Variants in LMX1B observed in about 807,000 individuals in gnomAD.
LMX1B encodes LIM homeobox transcription factor 1-beta.
Under a neutral mutation model 51.4 loss-of-function variants are expected in LMX1B, and 12 were observed. That is an observed-to-expected ratio of 0.23 (90% confidence interval 0.15 to 0.38). LMX1B has a LOEUF of 0.38. LMX1B is among the 10% of genes least tolerant of loss of function. The probability of loss-of-function intolerance (pLI) is 1.00; values close to 1 mark genes in which losing one functional copy is unlikely to be tolerated. For synonymous variants in LMX1B, 237 were observed against 235.4 expected, an observed-to-expected ratio of 1.01 and a Z score of -0.06; for missense variants, 445 against 571.1, an observed-to-expected ratio of 0.78 and a Z score of 2.25.
intron 2 of LMX1B, among the ~76,000 whole-genome samples, chr9:126,687,584 T>G (rs1240076850): frequency 6.6e-6 from 1 of 152,156 alleles, no homozygotes; most frequent in Non-Finnish European, 1.5e-5. Context: ...TCAAATGCCT[T>G]GCCTAAAGCT....
intron 2 of LMX1B, among the ~76,000 whole-genome samples, chr9:126,649,617 C>A (rs1835963656): frequency 6.6e-6 from 1 of 152,138 alleles, no homozygotes; most frequent in South Asian, 2.1e-4. Flanking sequence ...ATCTTGAGAA[C>A]CTCTGTTGTT....
rs2235055 is a variant in LMX1B, at chr9:126,614,797, C to T, written c.139+209C>T. ...TGAGGGGACAGGACAGCTCCAGTCG[C>T]CACCCACCATCCTTTCCAGGCTTAG... is the stretch of plus-strand genomic sequence containing the variant. On this transcript the variant is annotated intron_variant, in intron 1 of 7. Transcript: ENST00000373474. Among the ~76,000 whole-genome samples the T allele has an allele frequency of 0.044, 6,635 of 152,226 alleles. 214 individuals carry two copies. Among genetic ancestry groups the T allele is most frequent in the Middle Eastern group, 0.11 (31 of 294 alleles).
At position 126,614,066 on chromosome 9, in the gene LMX1B, G is replaced by A. The variant is rs1835243959; in HGVS notation, c.-384G>A. Among the ~76,000 whole-genome samples, 2 of 119,976 alleles carry A rather than the reference G, an allele frequency of 1.7e-5. No homozygotes were observed. Among genetic ancestry groups the A allele is most frequent in the African/African-American group, 2.8e-5 (1 of 35,196 alleles). The allele number at this position is 119,976 out of a possible 152,430, so 78.7% of individuals were successfully genotyped here. A position where few individuals can be genotyped will look rare whatever the true frequency, so the allele number is the denominator to read the frequency against. On this transcript the variant is annotated 5_prime_UTR_variant, in exon 1 of 8. Coordinates refer to ENST00000373474, the MANE Select transcript of LMX1B (RefSeq NM_001174147.2). Reference sequence around the variant, plus strand: ...CGCGCGCCCCCCCCGCGGCCCGCGGGGCCGCCCCTGCACCCCCACCCCCTC... The same window carrying A: ...CGCGCGCCCCCCCCGCGGCCCGCGGAGCCGCCCCTGCACCCCCACCCCCTC...
At chr9:126,643,129 C>G (rs1018210868) in intron 2 of LMX1B, among the ~76,000 whole-genome samples, 1 of 152,170 alleles carries the variant, frequency 6.6e-6, no homozygotes, top group African/African-American at 2.4e-5. Context: ...TATCCCGGGT[C>G]AGGCTGACTT....
At chr9:126,669,534 G>T (rs901126485) in intron 2 of LMX1B, among the ~76,000 whole-genome samples, 54 of 152,284 alleles carry the variant, frequency 3.5e-4, no homozygotes, top group African/African-American at 1.3e-3. Context: ...TGTGGGCCTG[G>T]GGGGTCTTCG....
rs1254939086 is a variant in LMX1B at position 126,625,564 on chromosome 9, G to C, written c.326+9995G>C. Among the ~76,000 whole-genome samples, 3 of 152,228 alleles carry C rather than the reference G, an allele frequency of 2.0e-5. No individual in the cohort carries two copies. The highest frequency in any genetic ancestry group is 4.4e-5 in the Non-Finnish European group (3 of 68,034). On this transcript the variant is annotated intron_variant, in intron 2 of 7. Transcript: ENST00000373474. The surrounding 1 kb of genome is among the most constrained non-coding windows in gnomAD (Gnocchi z 5.3). The stretch of plus-strand genomic sequence containing the variant: ...TTGGATCCCTGGGACTAATGTCGCA[G>C]CGCTCGCACTCCTGCAGGTCTCCAG...
intron 2 of LMX1B, among the ~76,000 whole-genome samples, chr9:126,638,914 A>G (rs1835762621): frequency 6.6e-6 from 1 of 152,256 alleles, no homozygotes; most frequent in Middle Eastern, 3.4e-3. Flanking sequence ...CTTCCACTGC[A>G]TGCATTATAC....
At chr9:126,682,825 G>A (rs961337618) in intron 2 of LMX1B, among the ~76,000 whole-genome samples, 2 of 149,836 alleles carry the variant, frequency 1.3e-5, no homozygotes, top group Non-Finnish European at 3.0e-5. Flanking sequence ...AACCCAGGAG[G>A]CGGAGGTTGC....
chr9:126,635,776 G>T (rs769135086), intron 2 of LMX1B, among the ~76,000 whole-genome samples: 1 of 152,208 alleles, frequency 6.6e-6, no homozygotes, highest in Non-Finnish European at 1.5e-5. Context: ...GAGTTGTTTG[G>T]ATTAGGGCCT....
In LMX1B at chr9:126,696,313, T is replaced by A. The variant is rs1335550993; in HGVS notation, c.1071T>A (p.His357Gln). Residue 357 changes from histidine (H) to glutamine (Q), a missense_variant, in exon 8 of 8, where the codon CAT becomes CAA. Coordinates refer to ENST00000373474, the MANE Select transcript of LMX1B (RefSeq NM_001174147.2). ...CCCCAGGGAACGACTCCATCTTCCATGACATCGACAGCGATACCTCCTTAA... is the reference window on the plus strand; with the variant it reads ...CCCCAGGGAACGACTCCATCTTCCAAGACATCGACAGCGATACCTCCTTAA... ...MNPYGNDSIF[H>Q]DIDSDTSLTS... The A allele has an allele frequency of 6.2e-7, 1 of 1,614,026 alleles. No homozygotes were observed. Among genetic ancestry groups the A allele is most frequent in the East Asian group, 2.2e-5 (1 of 44,854 alleles).
At chr9:126,650,221 C>T (rs970010295) in intron 2 of LMX1B, among the ~76,000 whole-genome samples, 1 of 152,170 alleles carries the variant, frequency 6.6e-6, no homozygotes, top group African/African-American at 2.4e-5. Flanking sequence ...CCTGCCCTGC[C>T]CCGAAGTCGG....
chr9:126,694,635 AG>A (rs2030261556), intron 6 of LMX1B, among the ~76,000 whole-genome samples: 1 of 152,168 alleles, frequency 6.6e-6, no homozygotes, highest in African/African-American at 2.4e-5. Context: ...GGTGAGAGGG[AG>A]GCTTCTGGGC....
intron 2 of LMX1B, among the ~76,000 whole-genome samples, chr9:126,627,573 G>T (rs1014716189): frequency 1.2e-4 from 18 of 152,054 alleles, no homozygotes; most frequent in African/African-American, 3.4e-4. Context: ...CTCTGAGCCT[G>T]CTCCCCTTCT....
At position 126,693,789 on chromosome 9, in the gene LMX1B, A is replaced by G; in HGVS notation, c.863A>G (p.Gln288Arg). Residue 288 changes from glutamine (Q) to arginine (R), a missense_variant, in exon 6 of 8, where the codon CAG becomes CGG. Gln to Arg is a conservative substitution (Grantham distance 43). Around this residue, in one of 3 missense-constraint regions of LMX1B, gnomAD observed 162 missense variants for 187.8 expected, o/e 0.86. Transcript: ENST00000373474. ...CGGCACCAGCAGCAGCAGGAGCAGCAGAACTCCCAGCGGCTGGGCCAGGGT... is the reference window on the plus strand; with the variant it reads ...CGGCACCAGCAGCAGCAGGAGCAGCGGAACTCCCAGCGGCTGGGCCAGGGT... Reference protein sequence around the residue: ...ARRHQQQQEQQNSQRLGQEVL... With the variant: ...ARRHQQQQEQRNSQRLGQEVL... 7.0e-7 allele frequency: 1 copy of G among 1,431,730 alleles called. No homozygotes were observed. Among genetic ancestry groups the G allele is most frequent in the Non-Finnish European group, 9.6e-7 (1 of 1,046,172 alleles). 88.7% of individuals were successfully genotyped at this position (1,431,730 alleles called of 1,614,324 possible).
Position 126,695,583 on chromosome 9 carries a change from C to A in LMX1B, c.887-256C>A, listed in dbSNP as rs2030295542. 6.6e-6 allele frequency among the ~76,000 whole-genome samples: 1 copy of A among 152,186 alleles called. No individual in the cohort carries two copies. Among genetic ancestry groups the A allele is most frequent in the African/African-American group, 2.4e-5 (1 of 41,434 alleles). On this transcript the variant is annotated intron_variant, in intron 6 of 7. Transcript: ENST00000373474. The surrounding 1 kb of genome is among the most constrained non-coding windows in gnomAD (Gnocchi z 5.2). ...ATTGCCTGTGTGGGGTCTGCCGCCTCCCTGGATCCCCTGGAGGGGCGGGGT... is the reference window on the plus strand; with the variant it reads ...ATTGCCTGTGTGGGGTCTGCCGCCTACCTGGATCCCCTGGAGGGGCGGGGT...
rs1336496925 is a variant in LMX1B, at chr9:126,658,151, G to A, written c.327-32685G>A. ...GGGCAGAGAGGGAATCCCCAGCCAA[G>A]TGCAGAGGTCAGGGGTCTGTGTCTG... On this transcript the variant is annotated intron_variant, in intron 2 of 7. Coordinates refer to ENST00000373474, the MANE Select transcript of LMX1B (RefSeq NM_001174147.2). The surrounding 1 kb of genome is among the most constrained non-coding windows in gnomAD (Gnocchi z 4.0). Among the ~76,000 whole-genome samples, 1 of 152,058 alleles carries A rather than the reference G, an allele frequency of 6.6e-6. No individual in the cohort carries two copies.
Position 126,626,544 on chromosome 9 carries a change from C to T in LMX1B, c.326+10975C>T, listed in dbSNP as rs943154366. On this transcript the variant is annotated intron_variant, in intron 2 of 7. Transcript: ENST00000373474. The surrounding 1 kb of genome is among the most constrained non-coding windows in gnomAD (Gnocchi z 4.3). Reference sequence around the variant, plus strand: ...CCTGAGCTCACCTCCCGCCCGTCCTCTCCTGGAGCCCCCTCTGCAATCCCG... The same window carrying T: ...CCTGAGCTCACCTCCCGCCCGTCCTTTCCTGGAGCCCCCTCTGCAATCCCG... Among the ~76,000 whole-genome samples the T allele has an allele frequency of 5.9e-5, 9 of 152,214 alleles. No individual in the cohort carries two copies. The highest frequency in any genetic ancestry group is 1.9e-4 in the African/African-American group (8 of 41,454).
intron 2 of LMX1B, among the ~76,000 whole-genome samples, chr9:126,656,752 G>C (rs1388216126): frequency 6.6e-6 from 1 of 152,208 alleles, no homozygotes; most frequent in African/African-American, 2.4e-5. Flanking sequence ...TGGTGGGTCA[G>C]CTCATGCTTT....
intron 2 of LMX1B, among the ~76,000 whole-genome samples, chr9:126,653,057 A>G (rs1588282251): frequency 1.3e-5 from 2 of 150,420 alleles, no homozygotes; most frequent in East Asian, 2.0e-4. Context: ...TTTTTGTGCT[A>G]GGAGCTGATT....
Sources: gnomAD v4.1 joint callset for allele counts (sites outside exome capture counted in the v4.1 genomes callset) on GRCh38, gnomAD v4.1.1 for gene constraint, gnomAD v4.1.1 regional missense constraint, Gnocchi (gnomAD v3.1) non-coding constraint, MANE v1.5 for transcripts, NCBI Gene and HGNC (gene_info 2026-07-23, HGNC 2026-07-21) for gene names.